Variants in PCCA observed in about 807,000 individuals in gnomAD.
The protein encoded by PCCA is propionyl-CoA carboxylase subunit alpha, also known as propionyl-CoA carboxylase alpha chain, mitochondrial.
A neutral mutation model predicts 101.3 loss-of-function variants in PCCA; 74 were observed. The observed-to-expected ratio is 0.73, with a 90% CI of 0.61 to 0.89. The LOEUF is 0.89. Among genes scored for constraint, PCCA ranks in the 40% least tolerant of loss-of-function variants. The pLI is 0.00. For missense variants in PCCA, 891 were observed against 907.0 expected (o/e 0.98, Z 0.23); for synonymous variants, 294 against 313.6 (o/e 0.94, Z 0.66).
At chr13:100,150,844 A>C in intron 4 of PCCA, 1 of 1,582,034 alleles carries the variant, frequency 6.3e-7, no homozygotes, top group Non-Finnish European at 8.7e-7. Context: ...CATGATGGAC[A>C]GGCTTGCCAT....
chr13:100,330,314 T>G, intron 16 of PCCA, among the ~76,000 whole-genome samples: 1 of 152,238 alleles, frequency 6.6e-6, no homozygotes, highest in East Asian at 1.9e-4. Context: ...CCACAATTAC[T>G]TTTGCACCAC....
At chr13:100,445,613 A>G (rs529357324) in intron 20 of PCCA, among the ~76,000 whole-genome samples, 31 of 151,676 alleles carry the variant, frequency 2.0e-4, no homozygotes, top group Middle Eastern at 6.8e-3. Context: ...TCTATTTTCT[A>G]CTCTATGAGT....
At chr13:100,346,815 A>G (rs931701733) in intron 18 of PCCA, among the ~76,000 whole-genome samples, 1 of 152,132 alleles carries the variant, frequency 6.6e-6, no homozygotes, top group African/African-American at 2.4e-5. Context: ...GCTACCCTCT[A>G]TCAGCAAAAA....
At chr13:100,323,825 T>C (rs942846188) in intron 16 of PCCA, among the ~76,000 whole-genome samples, 4 of 152,332 alleles carry the variant, frequency 2.6e-5, no homozygotes, top group South Asian at 4.1e-4. Flanking sequence ...ATAACAATCA[T>C]GCATAATAGG....
chr13:100,352,423 G>A (rs1335756255), intron 18 of PCCA, among the ~76,000 whole-genome samples: 1 of 149,542 alleles, frequency 6.7e-6, no homozygotes, highest in East Asian at 2.0e-4. Flanking sequence ...TTTGAGATAG[G>A]GTCTTGCTCT....
At chr13:100,312,490 T>C (rs1309846300) in intron 16 of PCCA, among the ~76,000 whole-genome samples, 2 of 152,358 alleles carry the variant, frequency 1.3e-5, no homozygotes, top group East Asian at 3.9e-4. Flanking sequence ...GTCTTTGCAG[T>C]ATCACTTGTT....
intron 21 of PCCA, chr13:100,491,817 C>T: frequency 4.8e-6 from 5 of 1,033,136 alleles, no homozygotes; most frequent in Non-Finnish European, 4.9e-6. Flanking sequence ...ATATTTTGGT[C>T]CCTTTTTTTC....
intron 21 of PCCA, among the ~76,000 whole-genome samples, chr13:100,457,298 A>G (rs1332260613): frequency 6.6e-6 from 1 of 152,188 alleles, no homozygotes; most frequent in Non-Finnish European, 1.5e-5. Flanking sequence ...GCACCTAGAT[A>G]ATCTTTCACG....
intron 22 of PCCA, chr13:100,527,452 A>T (rs113703781): frequency 3.5e-6 from 2 of 575,752 alleles, no homozygotes; most frequent in Admixed American, 5.5e-5. Flanking sequence ...CTCCAGGGTC[A>T]GGGATTTTTT....
At chr13:100,520,583 G>A (rs956364502) in intron 22 of PCCA, among the ~76,000 whole-genome samples, 1 of 146,696 alleles carries the variant, frequency 6.8e-6, no homozygotes. Flanking sequence ...TGCAGTGAGC[G>A]GAGATCGCGC....
chr13:100,373,838 G>A (rs1295475183), intron 19 of PCCA, among the ~76,000 whole-genome samples: 1 of 152,136 alleles, frequency 6.6e-6, no homozygotes, highest in East Asian at 1.9e-4. Flanking sequence ...GTGGCCAGGT[G>A]CAGTGGCTCA....
At chr13:100,514,964 C>T (rs887611130) in intron 21 of PCCA, among the ~76,000 whole-genome samples, 5 of 152,192 alleles carry the variant, frequency 3.3e-5, no homozygotes, top group African/African-American at 7.2e-5. Context: ...CTTACTGATA[C>T]GTAGTGCAGC....
At chr13:100,301,407 CTATT>C (rs2066044350) in intron 12 of PCCA, 49 bp from the exon 13 acceptor site, 1 of 1,601,868 alleles carries the variant, frequency 6.2e-7, no homozygotes, top group African/African-American at 1.3e-5. Flanking sequence ...TTGTTTGTTT[CTATT>C]TATTTACCCT....
Position 100,520,553 on chromosome 13 carries a change from T to G in PCCA, c.2040+4986T>G, listed in dbSNP as rs1005930895. Among the ~76,000 whole-genome samples the G allele has an allele frequency of 1.6e-4, 22 of 141,128 alleles. 1 individual carries two copies. The highest frequency in any genetic ancestry group is 5.4e-4 in the African/African-American group (20 of 37,182). The allele number at this position is 141,128 out of a possible 152,430, so 92.6% of individuals were successfully genotyped here. A position where few individuals can be genotyped will look rare whatever the true frequency, so the allele number is the denominator to read the frequency against. On this transcript the variant is annotated intron_variant, in intron 22 of 23. Coordinates refer to ENST00000376285, the MANE Select transcript of PCCA (RefSeq NM_000282.4). ...GGGAGGCTGAGGCAGGAGAATGGCG[T>G]GAACCCGGAAGGCGGAGCTTGCAGT... is the stretch of plus-strand genomic sequence containing the variant.
chr13:100,151,319 C>T (rs1310102981), intron 4 of PCCA, among the ~76,000 whole-genome samples: 1 of 152,186 alleles, frequency 6.6e-6, no homozygotes, highest in South Asian at 2.1e-4. Flanking sequence ...TGGCTGGGCG[C>T]GGTGGCTCAC....
At chr13:100,253,890 C>T (rs2061911856) in intron 8 of PCCA, among the ~76,000 whole-genome samples, 1 of 149,196 alleles carries the variant, frequency 6.7e-6, no homozygotes, top group African/African-American at 2.5e-5. Context: ...GTCTCTTCTA[C>T]TAGGACTTTC....
At chr13:100,188,340 G>A (rs1281598582) in intron 6 of PCCA, among the ~76,000 whole-genome samples, 7 of 97,348 alleles carry the variant, frequency 7.2e-5, no homozygotes, top group Admixed American at 6.6e-4. Flanking sequence ...CACAAAGAAA[G>A]AAAGAAAGAA....
At chr13:100,443,716 A>G (rs1357280225) in intron 20 of PCCA, among the ~76,000 whole-genome samples, 1 of 151,946 alleles carries the variant, frequency 6.6e-6, no homozygotes, top group African/African-American at 2.4e-5. Flanking sequence ...GCAGGTAGCC[A>G]AATTACTTTT....
At chr13:100,446,041 C>A (rs1243609312) in intron 20 of PCCA, among the ~76,000 whole-genome samples, 2 of 151,710 alleles carry the variant, frequency 1.3e-5, no homozygotes, top group Non-Finnish European at 2.9e-5. Flanking sequence ...TCTTTCTTTT[C>A]TTTTCTTTGT....
Sources: allele counts gnomAD v4.1 joint callset (sites outside exome capture counted in the v4.1 genomes callset), GRCh38; gene constraint gnomAD v4.1.1; transcripts MANE v1.5; gene names NCBI Gene and HGNC (gene_info 2026-07-23, HGNC 2026-07-21).